Variants in TREH observed in about 807,000 individuals in gnomAD.
TREH encodes alpha,alpha-trehalose glucohydrolase.
Under a neutral mutation model 80.5 loss-of-function variants are expected in TREH, and 69 were observed. The ratio of observed to expected loss-of-function variants is 0.86; its 90% CI spans 0.71 to 1.05. The LOEUF is 1.05. Ranked by LOEUF, TREH falls within the 50% of genes least tolerant of loss-of-function variation. The pLI, the probability that TREH is intolerant of heterozygous loss-of-function variation, is 0.00. For synonymous variants in TREH, 309 were observed against 293.5 expected (o/e 1.05, Z -0.54); for missense variants, 716 against 718.8 (o/e 1.00, Z 0.04).
intron 1 of TREH, among the ~76,000 whole-genome samples, chr11:118,671,106 T>C (rs1294081778): frequency 4.6e-5 from 7 of 152,172 alleles, no homozygotes; most frequent in Admixed American, 4.6e-4. Context: ...CTTACATAGG[T>C]ACAGAACTAG....
rs1392645752 is a variant in TREH at position 118,659,453 on chromosome 11, C to T, written c.1349G>A (p.Gly450Glu). Reference sequence around the variant, plus strand: ...TGTCTTCTGGAGAGAGGTCGGGATCCCATACTGGTAAGTCAGGATCCGGTT... The same window carrying T: ...TGTCTTCTGGAGAGAGGTCGGGATCTCATACTGGTAAGTCAGGATCCGGTT... Reference protein sequence around the residue: ...EDNRILTYQYGIPTSLQKTGQ... With the variant: ...EDNRILTYQYEIPTSLQKTGQ... Residue 450 changes from glycine to glutamate, a missense_variant, in exon 12 of 15, where the codon GGG becomes GAG. Transcript: ENST00000264029. 3 of 1,605,610 alleles carry T rather than the reference C, an allele frequency of 1.9e-6. No individual in the cohort carries two copies. The highest frequency in any genetic ancestry group is 4.5e-5 in the East Asian group (2 of 44,680).
chr11:118,671,188 G>A (rs139745828), intron 1 of TREH, among the ~76,000 whole-genome samples: 15 of 152,092 alleles, frequency 9.9e-5, no homozygotes, highest in African/African-American at 3.1e-4. Flanking sequence ...TAAGGTGAAG[G>A]CACAACCTGC....
Position 118,679,573 on chromosome 11 carries a change from C to A in TREH, c.55G>T (p.Gly19Trp), listed in dbSNP as rs868909413. The A allele has an allele frequency of 6.4e-7, 1 of 1,551,142 alleles. No individual in the cohort carries two copies. The change falls in exon 1 of 15, where the codon GGG (glycine) becomes TGG (tryptophan). Residue 19 changes from glycine (G) to tryptophan (W), a missense_variant. Gly to Trp is a radical substitution (Grantham distance 184, BLOSUM62 -2). Coordinates refer to ENST00000264029, the MANE Select transcript of TREH (RefSeq NM_007180.3). The part of the protein sequence containing the change: ...CLLLLLGLGL[G>W]SQEALPPPCE... ...GGTGGGGGTAGGGCCTCCTGGGACC[C>A]CAGTCCCAGCCCCAGCAGCAGTAGC...
Position 118,658,668 on chromosome 11 carries a change from T to G in TREH, c.1599+12A>C. 5 of 1,582,338 alleles carry G rather than the reference T, an allele frequency of 3.2e-6. No individual in the cohort carries two copies. The highest frequency in any genetic ancestry group is 4.3e-6 in the Non-Finnish European group (5 of 1,163,962). On this transcript the variant is annotated intron_variant, in intron 14 of 14. Coordinates refer to ENST00000264029, the MANE Select transcript of TREH (RefSeq NM_007180.3). ...TCCCTGGTGTTGGCCAGCCCACCCC[T>G]GGCCTGCTCACCTGAACTTCATATT... is the stretch of plus-strand genomic sequence containing the variant.
At chr11:118,660,505 C>A in intron 10 of TREH, 34 bp downstream of exon 10, 1 of 1,545,266 alleles carries the variant, frequency 6.5e-7, no homozygotes, top group Non-Finnish European at 8.8e-7. Context: ...GGAAACCAAG[C>A]TCCCTGCTTT....
At chr11:118,667,032 G>A (rs1220601460) in intron 1 of TREH, among the ~76,000 whole-genome samples, 3 of 151,960 alleles carry the variant, frequency 2.0e-5, no homozygotes, top group Non-Finnish European at 2.9e-5. Flanking sequence ...ACGGGCATGT[G>A]CCACCACGCC....
Position 118,658,885 on chromosome 11 carries a change from G to C in TREH, c.1545+20C>G. Reference sequence around the variant, plus strand: ...CACTGGGACAGCCTGGGGGTGCAGGGAGGGCTTGGGCCAGCTCACCTTCTC... The same window carrying C: ...CACTGGGACAGCCTGGGGGTGCAGGCAGGGCTTGGGCCAGCTCACCTTCTC... On this transcript the variant is annotated intron_variant, in intron 13 of 14. Transcript: ENST00000264029. 6.2e-6 allele frequency: 10 copies of C among 1,613,228 alleles called. No homozygotes were observed. Among genetic ancestry groups the C allele is most frequent in the Non-Finnish European group, 8.5e-6 (10 of 1,179,244 alleles).
chr11:118,659,586 C>T (rs1196148034), intron 11 of TREH, 105 bp from the exon 12 acceptor site: 29 of 1,356,338 alleles, frequency 2.1e-5, no homozygotes, highest in East Asian at 2.5e-5. Context: ...CCTGGCTCTT[C>T]TTTTCTCGGC....
At position 118,661,011 on chromosome 11, in the gene TREH, G is replaced by A; in HGVS notation, c.858-96C>T. On this transcript the variant is annotated intron_variant, in intron 8 of 14. Coordinates refer to ENST00000264029, the MANE Select transcript of TREH (RefSeq NM_007180.3). The surrounding 1 kb of genome is among the most constrained non-coding windows in gnomAD (Gnocchi z 4.2). ...GAGCCATCTTGATCCAGCTGCCCTT[G>A]GGCCCCACAGCCCAGGATTGCAGAG... 6.5e-7 allele frequency: 1 copy of A among 1,547,754 alleles called. No individual in the cohort carries two copies. Among genetic ancestry groups the A allele is most frequent in the East Asian group, 2.4e-5 (1 of 41,590 alleles).
chr11:118,675,874 G>A (rs1949473753), intron 1 of TREH, among the ~76,000 whole-genome samples: 2 of 151,956 alleles, frequency 1.3e-5, no homozygotes, highest in African/African-American at 4.8e-5. Context: ...GCTAATTTTT[G>A]GCATTTTTGG....
In TREH at chr11:118,658,105, C is replaced by T. The variant is rs761203539; in HGVS notation, c.*184G>A. On this transcript the variant is annotated 3_prime_UTR_variant, in exon 15 of 15. Coordinates refer to ENST00000264029, the MANE Select transcript of TREH (RefSeq NM_007180.3). ...CTTCCCTCCAGAGCAGGATTTCCAC[C>T]CTATTCAAGGTTCCAGGAGGGAGCT... 2.5e-6 allele frequency: 2 copies of T among 808,706 alleles called. No individual in the cohort carries two copies. The highest frequency in any genetic ancestry group is 3.8e-6 in the Non-Finnish European group (2 of 525,296). The allele number at this position is 808,706 out of a possible 1,614,324, so 50.1% of individuals were successfully genotyped here.
intron 1 of TREH, among the ~76,000 whole-genome samples, chr11:118,678,782 G>C (rs1417576731): frequency 6.6e-6 from 1 of 151,794 alleles, no homozygotes; most frequent in African/African-American, 2.4e-5. Context: ...AGACAGGACA[G>C]GGTCACTCAT....
At chr11:118,660,093 G>A in intron 10 of TREH, 129 bp from the exon 11 acceptor site, 1 of 887,098 alleles carries the variant, frequency 1.1e-6, no homozygotes, top group South Asian at 1.7e-5. Context: ...TGATGACCAA[G>A]GGGATGTGCC....
intron 1 of TREH, among the ~76,000 whole-genome samples, chr11:118,670,105 A>C (rs1949417472): frequency 6.6e-6 from 1 of 152,226 alleles, no homozygotes; most frequent in Non-Finnish European, 1.5e-5. Context: ...AAAAAAAGAA[A>C]TCAATTTCCA....
At chr11:118,676,630 G>A (rs1555146867) in intron 1 of TREH, among the ~76,000 whole-genome samples, 1 of 152,022 alleles carries the variant, frequency 6.6e-6, no homozygotes, top group African/African-American at 2.4e-5. Context: ...AGCCAGGCGT[G>A]GTGGTGCGTG....
In TREH at chr11:118,658,706, C is replaced by A; in HGVS notation, c.1573G>T (p.Gly525Cys). 1 of 1,602,080 alleles carries A rather than the reference C, an allele frequency of 6.2e-7. No individual in the cohort carries two copies. The highest frequency in any genetic ancestry group is 8.5e-7 in the Non-Finnish European group (1 of 1,174,232). Residue 525 changes from glycine to cysteine, a missense_variant, in exon 14 of 15, where the codon GGT (glycine) becomes TGT (cysteine). Coordinates refer to ENST00000264029, the MANE Select transcript of TREH (RefSeq NM_007180.3). The part of the protein sequence containing the change: ...KYDVSNGGQP[G>C]GGGEYEVQEG... ...TGAACTTCATATTCTCCTCCCCCAC[C>A]GGGCTGTCCACCGTTGCTGACGTCA... is the stretch of plus-strand genomic sequence containing the variant.
chr11:118,679,200 G>A (rs986256238), intron 1 of TREH, among the ~76,000 whole-genome samples: 2 of 152,118 alleles, frequency 1.3e-5, no homozygotes, highest in South Asian at 2.1e-4. Context: ...GGCTGGGCGT[G>A]GTGGTGCATG....
At chr11:118,660,824 G>A (rs1555144789) in intron 9 of TREH, 42 bp downstream of exon 9, 1 of 1,554,662 alleles carries the variant, frequency 6.4e-7, no homozygotes, top group Non-Finnish European at 8.7e-7. Flanking sequence ...CAGGTGTGCA[G>A]CTGCCCTGCC....
At chr11:118,660,837 C>T in intron 9 of TREH, 29 bp downstream of exon 9, 1 of 1,558,918 alleles carries the variant, frequency 6.4e-7, no homozygotes, top group Non-Finnish European at 8.7e-7. Context: ...GCCCTGCCCC[C>T]AGCCCTCCCT....
Sources: gnomAD v4.1 joint callset for allele counts (sites outside exome capture counted in the v4.1 genomes callset) on GRCh38, gnomAD v4.1.1 for gene constraint, Gnocchi (gnomAD v3.1) non-coding constraint, MANE v1.5 for transcripts, NCBI Gene and HGNC (gene_info 2026-07-23, HGNC 2026-07-21) for gene names.